Variants in PLXNA2 observed in about 807,000 individuals in gnomAD.
PLXNA2 encodes plexin A2, also known as plexin-A2.
A neutral mutation model predicts 193.5 loss-of-function variants in PLXNA2; 91 were observed. The ratio of observed to expected loss-of-function variants is 0.47; its 90% CI spans 0.40 to 0.56. The LOEUF is 0.56. PLXNA2 is among the 20% of genes least tolerant of loss of function. PLXNA2 has a pLI of 0.00. For missense variants in PLXNA2, 1,995 were observed against 2,503.2 expected (o/e 0.80, Z 4.33); for synonymous variants, 997 against 1,027.3 (o/e 0.97, Z 0.56).
intron 3 of PLXNA2, among the ~76,000 whole-genome samples, chr1:208,178,591 C>A (rs1242126735): frequency 1.3e-5 from 2 of 152,200 alleles, no homozygotes; most frequent in African/African-American, 2.4e-5. Context: ...GCTAGCAGCA[C>A]TCCCCCATCT....
intron 4 of PLXNA2, among the ~76,000 whole-genome samples, chr1:208,120,213 T>C (rs1383345507): frequency 1.3e-5 from 2 of 152,206 alleles, no homozygotes; most frequent in Non-Finnish European, 2.9e-5. Context: ...TCTGCCCTCC[T>C]ACAGCTTGCT....
intron 12 of PLXNA2, among the ~76,000 whole-genome samples, chr1:208,078,883 A>G (rs965195641): frequency 4.6e-5 from 7 of 152,178 alleles, no homozygotes; most frequent in Admixed American, 6.5e-5. Context: ...CGGCTCCTGA[A>G]ATCACATTTC....
chr1:208,195,651 TGGG>T (rs35681950), intron 3 of PLXNA2, among the ~76,000 whole-genome samples: 3 of 109,136 alleles, frequency 2.7e-5, no homozygotes, highest in Middle Eastern at 4.3e-3. Flanking sequence ...AAATGTTTTT[TGGG>T]GGGGGGGGTT....
In PLXNA2 at chr1:208,028,938, G is replaced by A; in HGVS notation, c.5330C>T (p.Thr1777Ile). 6.2e-7 allele frequency: 1 copy of A among 1,614,164 alleles called. No individual in the cohort carries two copies. Among genetic ancestry groups the A allele is most frequent in the Non-Finnish European group, 8.5e-7 (1 of 1,180,014 alleles). Residue 1777 changes from threonine (T) to isoleucine (I), a missense_variant, in exon 30 of 32, where the codon ACC becomes ATC. Physicochemically the swap from Thr to Ile is moderately conservative, Grantham distance 89. This residue lies in a region of PLXNA2 where 1,291 missense variants were observed against 1,673.6 expected (regional missense o/e 0.77). Coordinates refer to ENST00000367033, the MANE Select transcript of PLXNA2 (RefSeq NM_025179.4). This position sits in a 1 kb window ranked among gnomAD's most constrained non-coding sequence, Gnocchi z 4.2. The stretch of plus-strand genomic sequence containing the variant: ...TGACGTTGAACAAGAGTCCATGAAG[G>A]TCTGGGCCACCACAGAGAGGCAGGC... ...TDACLSVVAQ[T>I]FMDSCSTSEH...
At chr1:208,130,675 T>C (rs1381723759) in intron 4 of PLXNA2, among the ~76,000 whole-genome samples, 1 of 152,096 alleles carries the variant, frequency 6.6e-6, no homozygotes, top group African/African-American at 2.4e-5. Flanking sequence ...CTCTTGATGA[T>C]TGGCACAGGC....
chr1:208,029,110 T>C (rs751703073), intron 29 of PLXNA2, 68 bp from the exon 30 acceptor site: 2 of 1,586,544 alleles, frequency 1.3e-6, no homozygotes, highest in South Asian at 1.1e-5. Context: ...CCCACTGATA[T>C]TCTTCCCCAT....
chr1:208,144,081 G>T (rs765282545), intron 3 of PLXNA2, among the ~76,000 whole-genome samples: 28 of 152,148 alleles, frequency 1.8e-4, no homozygotes, highest in Admixed American at 6.5e-5. Flanking sequence ...TAAGATTAAG[G>T]CTTCTTCTCC....
chr1:208,132,370 G>A (rs889367583), intron 4 of PLXNA2, among the ~76,000 whole-genome samples: 2 of 152,200 alleles, frequency 1.3e-5, no homozygotes, highest in African/African-American at 2.4e-5. Flanking sequence ...CAGCCAGGGG[G>A]CGCTGTCTCA....
chr1:208,141,229 G>C (rs774522780), intron 4 of PLXNA2, among the ~76,000 whole-genome samples: 8 of 152,190 alleles, frequency 5.3e-5, no homozygotes, highest in Non-Finnish European at 1.0e-4. Flanking sequence ...ATGCTGTCGT[G>C]TGCACACTTA....
chr1:208,127,735 A>G (rs978468603), intron 4 of PLXNA2, among the ~76,000 whole-genome samples: 59 of 152,354 alleles, frequency 3.9e-4, no homozygotes, highest in African/African-American at 1.4e-3. Flanking sequence ...GAGAGAGAGT[A>G]TGCTGCTGAC....
chr1:208,187,492 G>A (rs193069511), intron 3 of PLXNA2, among the ~76,000 whole-genome samples: 2 of 152,272 alleles, frequency 1.3e-5, no homozygotes, highest in African/African-American at 4.8e-5. Flanking sequence ...AACACCACCT[G>A]AACAACTCGA....
intron 12 of PLXNA2, among the ~76,000 whole-genome samples, chr1:208,072,809 A>T (rs1170305552): frequency 6.6e-6 from 1 of 152,174 alleles, no homozygotes; most frequent in East Asian, 1.9e-4. Context: ...TTAGGTGAAG[A>T]TTACTTTAAG....
At chr1:208,234,708 G>T (rs1200983698) in intron 1 of PLXNA2, among the ~76,000 whole-genome samples, 1 of 152,184 alleles carries the variant, frequency 6.6e-6, no homozygotes, top group Non-Finnish European at 1.5e-5. Context: ...CTCGTGAGAT[G>T]CCTGTCTGCT....
At chr1:208,054,148 A>C (rs956619692) in intron 14 of PLXNA2, among the ~76,000 whole-genome samples, 3 of 152,244 alleles carry the variant, frequency 2.0e-5, no homozygotes, top group Non-Finnish European at 4.4e-5. Context: ...TTTCTAAGAA[A>C]GGCTGGATTT....
chr1:208,032,082 G>A, intron 28 of PLXNA2: 6 of 985,334 alleles, frequency 6.1e-6, no homozygotes, highest in Non-Finnish European at 7.2e-6. Context: ...GAATGAGGGG[G>A]CACAGGCTGC....
At chr1:208,121,064 C>A (rs115469188) in intron 4 of PLXNA2, among the ~76,000 whole-genome samples, 1 of 152,048 alleles carries the variant, frequency 6.6e-6, no homozygotes, top group Non-Finnish European at 1.5e-5. Context: ...GCTTAATAAC[C>A]GAAAAAGTAA....
intron 4 of PLXNA2, among the ~76,000 whole-genome samples, chr1:208,138,862 A>T (rs1330008817): frequency 1.3e-5 from 2 of 152,206 alleles, no homozygotes; most frequent in Non-Finnish European, 2.9e-5. Context: ...CCCCGGCTCT[A>T]CTAAAAATAC....
intron 12 of PLXNA2, among the ~76,000 whole-genome samples, chr1:208,061,109 A>T (rs1665605975): frequency 1.3e-5 from 2 of 152,214 alleles, no homozygotes; most frequent in African/African-American, 4.8e-5. Context: ...ACTAGACTCA[A>T]GGCAGAAAAC....
Position 208,028,074 on chromosome 1 carries a change from C to T in PLXNA2, c.5524G>A (p.Val1842Met), listed in dbSNP as rs139305640. 4.5e-5 allele frequency: 72 copies of T among 1,613,120 alleles called. No individual in the cohort carries two copies. Among genetic ancestry groups the T allele is most frequent in the African/African-American group, 1.5e-4 (11 of 74,882 alleles). Residue 1842 changes from valine (V) to methionine (M), a missense_variant, in exon 31 of 32, where the codon GTG becomes ATG. Physicochemically the swap from Val to Met is conservative, Grantham distance 21. Transcript: ENST00000367033. This position sits in a 1 kb window ranked among gnomAD's most constrained non-coding sequence, Gnocchi z 4.2. ...YLAEQSRLHAVEFNMLSALNE... is the reference protein window; with the variant it reads ...YLAEQSRLHAMEFNMLSALNE... ...AGGGCACTCAGCATGTTGAACTCCA[C>T]GGCGTGCAGGCGGGACTGCTCGGCG...
Sources: gnomAD v4.1 joint callset for allele counts (sites outside exome capture counted in the v4.1 genomes callset) on GRCh38, gnomAD v4.1.1 for gene constraint, gnomAD v4.1.1 regional missense constraint, Gnocchi (gnomAD v3.1) non-coding constraint, MANE v1.5 for transcripts, NCBI Gene and HGNC (gene_info 2026-07-23, HGNC 2026-07-21) for gene names.